CSGALNACT1: variants seen among roughly 807,000 people sequenced by gnomAD.
The protein encoded by CSGALNACT1 is beta4GalNAcT-1.
CSGALNACT1 carries 52 observed loss-of-function variants against 51.0 expected under a neutral mutation model. The observed-to-expected ratio is 1.02, with a 90% CI of 0.82 to 1.29. CSGALNACT1 has a LOEUF of 1.29. CSGALNACT1 is among the 50% of genes most tolerant of loss of function. The pLI is 0.00. For synonymous variants in CSGALNACT1, 341 were observed against 254.4 expected, an observed-to-expected ratio of 1.34 and a Z score of -3.24; for missense variants, 935 against 679.2, an observed-to-expected ratio of 1.38 and a Z score of -4.19.
intron 4 of CSGALNACT1, among the ~76,000 whole-genome samples, chr8:19,469,500 T>C (rs1346022126): frequency 6.6e-6 from 1 of 152,180 alleles, no homozygotes; most frequent in Non-Finnish European, 1.5e-5. Context: ...TAAGACAGCC[T>C]GGGATAGATT....
intron 1 of CSGALNACT1, among the ~76,000 whole-genome samples, chr8:19,716,249 C>T (rs1257008508): frequency 6.6e-6 from 1 of 152,110 alleles, no homozygotes; most frequent in Non-Finnish European, 1.5e-5. Context: ...ACTCCCCTCC[C>T]TCCATGCTCT....
intron 1 of CSGALNACT1, among the ~76,000 whole-genome samples, chr8:19,730,971 G>A (rs2063659255): frequency 6.6e-6 from 1 of 152,158 alleles, no homozygotes; most frequent in South Asian, 2.1e-4. Context: ...GAGGAGAGGT[G>A]GGGAACTCCT....
At chr8:19,460,921 T>C (rs1339397580) in intron 4 of CSGALNACT1, among the ~76,000 whole-genome samples, 1 of 152,134 alleles carries the variant, frequency 6.6e-6, no homozygotes, top group African/African-American at 2.4e-5. Flanking sequence ...AGGAGTGTGG[T>C]CCTGTGAGTT....
chr8:19,566,457 T>C (rs1259303638), intron 3 of CSGALNACT1, among the ~76,000 whole-genome samples: 2 of 152,218 alleles, frequency 1.3e-5, no homozygotes, highest in Non-Finnish European at 2.9e-5. Flanking sequence ...AAAAGCCTTA[T>C]GTTTATGGTC....
intron 6 of CSGALNACT1, among the ~76,000 whole-genome samples, chr8:19,436,136 T>G (rs377451317): frequency 6.6e-6 from 1 of 152,224 alleles, no homozygotes; most frequent in Non-Finnish European, 1.5e-5. Flanking sequence ...GTGTGAAATA[T>G]TGCATACTGG....
intron 5 of CSGALNACT1, among the ~76,000 whole-genome samples, chr8:19,448,863 A>G (rs763462743): frequency 2.0e-5 from 3 of 152,212 alleles, no homozygotes; most frequent in East Asian, 3.8e-4. Flanking sequence ...CCCAAACTCT[A>G]TCTGTAGTCT....
intron 4 of CSGALNACT1, among the ~76,000 whole-genome samples, chr8:19,502,893 A>G (rs1415715862): frequency 6.6e-6 from 1 of 152,206 alleles, no homozygotes; most frequent in Non-Finnish European, 1.5e-5. Flanking sequence ...ATCATCATTT[A>G]TAACCACCTG....
upstream of CSGALNACT1, among the ~76,000 whole-genome samples, chr8:19,606,635 T>C (rs1209488056): frequency 2.6e-5 from 4 of 152,246 alleles, no homozygotes; most frequent in African/African-American, 7.2e-5. Context: ...GACTACAGGA[T>C]GCAGACTCAA....
intron 5 of CSGALNACT1, among the ~76,000 whole-genome samples, chr8:19,451,354 G>A (rs977381839): frequency 3.3e-5 from 5 of 151,998 alleles, no homozygotes; most frequent in African/African-American, 1.2e-4. Context: ...TTCCCATATT[G>A]TTATTGAGTC....
At position 19,630,232 on chromosome 8, in the gene CSGALNACT1, GTGTGTGTGTGTA is replaced by G. The variant is rs1168670617; in HGVS notation, c.-543-28379_-543-28368del. On this transcript the variant is annotated intron_variant, in intron 1 of 9. Transcript: ENST00000332246. ...TGTGTGTGTGTGTGTGTGTGTGTGT[GTGTGTGTGTGTA>G]TGTGTGTGTGTTCTAGTAAAATTTT... 4.2e-3 allele frequency among the ~76,000 whole-genome samples: 592 copies of G among 141,838 alleles called. 2 individuals are homozygous for G. The highest frequency in any genetic ancestry group is 0.014 in the Middle Eastern group (4 of 282). 93.1% of individuals were successfully genotyped at this position (141,838 alleles called of 152,430 possible).
chr8:19,649,716 G>A (rs1203504593), intron 1 of CSGALNACT1, among the ~76,000 whole-genome samples: 2 of 148,846 alleles, frequency 1.3e-5, no homozygotes, highest in Admixed American at 6.8e-5. Flanking sequence ...TGAGGGTTGA[G>A]GTTGTTCGTT....
At chr8:19,573,344 C>T (rs1002163325) in intron 3 of CSGALNACT1, among the ~76,000 whole-genome samples, 14 of 152,188 alleles carry the variant, frequency 9.2e-5, no homozygotes, top group Admixed American at 3.3e-4. Context: ...CAGCAGTGGG[C>T]GGGTGGCCTT....
intron 3 of CSGALNACT1, among the ~76,000 whole-genome samples, chr8:19,577,351 C>T (rs569100601): frequency 1.3e-5 from 2 of 150,336 alleles, no homozygotes; most frequent in African/African-American, 2.5e-5. Context: ...CGGCTTGAGG[C>T]CAGGGGTTTG....
intron 1 of CSGALNACT1, among the ~76,000 whole-genome samples, chr8:19,622,471 T>A (rs2053940272): frequency 6.6e-6 from 1 of 152,262 alleles, no homozygotes; most frequent in African/African-American, 2.4e-5. Context: ...TATGAACTTA[T>A]AATTAAATTA....
In CSGALNACT1 at chr8:19,658,181, A is replaced by G. The variant is rs545562580; in HGVS notation, c.-544+24292T>C. Among the ~76,000 whole-genome samples the G allele has an allele frequency of 9.8e-4, 149 of 151,522 alleles. 1 individual carries two copies. Among genetic ancestry groups the G allele is most frequent in the Non-Finnish European group, 1.8e-3 (120 of 67,920 alleles). ...GATGAGGTCATGAGGGTGTGCCCTT[A>G]TAACAGAATTAGTGCCCTTATAAAG... On this transcript the variant is annotated intron_variant, in intron 1 of 9. Transcript: ENST00000332246.
intron 1 of CSGALNACT1, among the ~76,000 whole-genome samples, chr8:19,616,957 G>A (rs1318165143): frequency 6.6e-6 from 1 of 152,142 alleles, no homozygotes; most frequent in African/African-American, 2.4e-5. Flanking sequence ...TTCACGTACT[G>A]TGCACTTTAT....
At chr8:19,659,177 T>C (rs182795947) in intron 1 of CSGALNACT1, among the ~76,000 whole-genome samples, 3 of 152,328 alleles carry the variant, frequency 2.0e-5, no homozygotes, top group African/African-American at 7.2e-5. Flanking sequence ...TGGCCAAGTT[T>C]AATCAGGGTA....
intron 3 of CSGALNACT1, among the ~76,000 whole-genome samples, chr8:19,511,688 G>T (rs1243752216): frequency 6.6e-6 from 1 of 152,108 alleles, no homozygotes; most frequent in African/African-American, 2.4e-5. Flanking sequence ...CTGTACTGGG[G>T]TCTTGATGTG....
intron 1 of CSGALNACT1, among the ~76,000 whole-genome samples, chr8:19,638,380 G>A (rs1226926788): frequency 6.6e-6 from 1 of 152,098 alleles, no homozygotes; most frequent in Non-Finnish European, 1.5e-5. Flanking sequence ...CACACCCATC[G>A]GTGCCCACTT....
Sources: gnomAD v4.1 joint callset for allele counts (sites outside exome capture counted in the v4.1 genomes callset) on GRCh38, gnomAD v4.1.1 for gene constraint, MANE v1.5 for transcripts, NCBI Gene and HGNC (gene_info 2026-07-23, HGNC 2026-07-21) for gene names.